Variants in DUOX1 observed in about 807,000 individuals in gnomAD.
DUOX1 encodes the protein dual oxidase 1, also known as NADPH thyroid oxidase 1.
A neutral mutation model predicts 181.8 loss-of-function variants in DUOX1; 134 were observed. That is an observed-to-expected ratio of 0.74 (90% CI 0.64 to 0.85). The LOEUF (loss-of-function observed/expected upper bound fraction) is 0.85, where lower values mean the gene tolerates loss of function less well. Among genes scored for constraint, DUOX1 ranks in the 40% least tolerant of loss-of-function variants. The probability of loss-of-function intolerance (pLI) is 0.00; values close to 1 mark genes in which losing one functional copy is unlikely to be tolerated. For missense variants in DUOX1, 1,814 were observed against 2,064.4 expected, an observed-to-expected ratio of 0.88 and a Z score of 2.35; for synonymous variants, 798 against 832.5, an observed-to-expected ratio of 0.96 and a Z score of 0.71.
Position 45,155,860 on chromosome 15 carries a change from C to A in DUOX1, c.3633C>A (p.His1211Gln), listed in dbSNP as rs757392509. Reference sequence around the variant, plus strand: ...CCATCATGTATGTCTTTGCCTCCCACCACTTCCGCCGCCGCAGTTTCCGGG... The same window carrying A: ...CCATCATGTATGTCTTTGCCTCCCAACACTTCCGCCGCCGCAGTTTCCGGG... ...ILAIMYVFAS[H>Q]HFRRRSFRGF... Residue 1211 changes from histidine (H) to glutamine (Q), a missense_variant, in exon 28 of 34, where the codon CAC (histidine) becomes CAA (glutamine). Physicochemically the swap from His to Gln is conservative, Grantham distance 24. This residue lies in a region of DUOX1 where 279 missense variants were observed against 381.9 expected (regional missense o/e 0.73). Transcript: ENST00000389037. 2 of 1,614,146 alleles carry A rather than the reference C, an allele frequency of 1.2e-6. No homozygotes were observed. Among genetic ancestry groups the A allele is most frequent in the Non-Finnish European group, 1.7e-6 (2 of 1,180,038 alleles).
rs754436205 is a variant in DUOX1, at chr15:45,143,298, T to G, written c.1931T>G (p.Met644Arg). 8.7e-6 allele frequency: 14 copies of G among 1,613,716 alleles called. No homozygotes were observed. Among genetic ancestry groups the G allele is most frequent in the Admixed American group, 1.7e-5 (1 of 60,004 alleles). ...SIVSEKLVGG[M>R]EALEWQGHKE... ...GTGTCTGAGAAGCTCGTGGGAGGCA[T>G]GGAAGGTAGGTCTAGGGCTGGCCAG... Residue 644 changes from methionine (M) to arginine (R), a missense_variant, in exon 16 of 34, where the codon ATG (methionine) becomes AGG (arginine). Transcript: ENST00000389037.
chr15:45,163,478 G>A (rs1567022730), intron 31 of DUOX1, 54 bp from the exon 32 acceptor site: 4 of 1,608,766 alleles, frequency 2.5e-6, no homozygotes, highest in East Asian at 4.5e-5. Context: ...ACACCCCTGG[G>A]GTTTAGGGAG....
chr15:45,160,622 G>A (rs999535432), intron 28 of DUOX1, among the ~76,000 whole-genome samples: 2 of 152,242 alleles, frequency 1.3e-5, no homozygotes, highest in Non-Finnish European at 2.9e-5. Context: ...CTAGGGTGGT[G>A]TCAGGGATCT....
rs201771903 is a variant in DUOX1 at position 45,148,013 on chromosome 15, C to A, written c.2642+16C>A. 2.5e-6 allele frequency: 4 copies of A among 1,605,748 alleles called. No homozygotes were observed. The highest frequency in any genetic ancestry group is 2.6e-6 in the Non-Finnish European group (3 of 1,172,396). On this transcript the variant is annotated intron_variant, in intron 20 of 33. Transcript: ENST00000389037. ...GGATGCTGAGGTTTGTTCTCTGGGACAGCCAGGAGAATGGGCCAGGGCAGG... is the reference window on the plus strand; with the variant it reads ...GGATGCTGAGGTTTGTTCTCTGGGAAAGCCAGGAGAATGGGCCAGGGCAGG...
chr15:45,158,700 CAAAAAAAAAAAAA>C (rs58522871), intron 28 of DUOX1, among the ~76,000 whole-genome samples: 5 of 47,042 alleles, frequency 1.1e-4, no homozygotes, highest in South Asian at 1.7e-3. Flanking sequence ...ACTTCCATCT[CAAAAAAAAAAAAA>C]AAAAAAAAAA....
Position 45,148,833 on chromosome 15 carries a change from G to A in DUOX1, c.2818+386G>A, listed in dbSNP as rs375021741. Among the ~76,000 whole-genome samples the A allele has an allele frequency of 2.0e-5, 3 of 152,024 alleles. No individual in the cohort carries two copies. The East Asian group carries it at 5.8e-4, about 30-fold the overall frequency. On this transcript the variant is annotated intron_variant, in intron 21 of 33. Coordinates refer to ENST00000389037, the MANE Select transcript of DUOX1 (RefSeq NM_175940.3). ...CCCCTGTGCGTGGTGCCCAGGGCAG[G>A]GGGAGACTGTCTCCCTGTTACAGCC...
chr15:45,163,649 C>T lies in DUOX1; in HGVS notation c.4366C>T (p.Gln1456Ter). The T allele has an allele frequency of 1.2e-6, 2 of 1,614,156 alleles. No individual in the cohort carries two copies. Among genetic ancestry groups the T allele is most frequent in the Non-Finnish European group, 1.7e-6 (2 of 1,180,018 alleles). ...DLVSVHIYITQLAEKFDLRTT... is the reference protein window; with the variant it reads ...DLVSVHIYIT Reference sequence around the variant, plus strand: ...GGTGTCTGTGCACATCTACATCACCCAGCTGGCTGAGAAGTTCGACCTCAG... The same window carrying T: ...GGTGTCTGTGCACATCTACATCACCTAGCTGGCTGAGAAGTTCGACCTCAG... The change falls in exon 32 of 34, where the codon CAG (glutamine) becomes TAG (stop). Residue 1456 changes from glutamine to a stop codon, truncating the protein, a stop_gained. Transcript: ENST00000389037. LOFTEE classifies it high-confidence loss of function.
chr15:45,148,326 G>A lies in DUOX1; in HGVS notation c.2697G>A (p.Val899=). The change falls in exon 21 of 34, where the codon GTG becomes GTA. Residue 899 remains valine, a synonymous_variant. Coordinates refer to ENST00000389037, the MANE Select transcript of DUOX1 (RefSeq NM_175940.3). ...TGTCCAAGGCCCAGCTGGCTGAGGT[G>A]GTGGAGTCCATGTTCCGGGAGTCGG... ...NCLSKAQLAE[V]VESMFRESGF... 3 of 1,614,226 alleles carry A rather than the reference G, an allele frequency of 1.9e-6. No homozygotes were observed. Among genetic ancestry groups the A allele is most frequent in the South Asian group, 2.2e-5 (2 of 91,084 alleles).
chr15:45,150,608 C>T (rs1167443328), intron 21 of DUOX1, 24 bp from the exon 22 acceptor site: 11 of 1,612,504 alleles, frequency 6.8e-6, no homozygotes, highest in South Asian at 3.3e-5. Context: ...CTGAGCTGCT[C>T]CCTAGCCTGG....
At chr15:45,132,404 C>CA (rs1450398540) in intron 2 of DUOX1, among the ~76,000 whole-genome samples, 1 of 152,094 alleles carries the variant, frequency 6.6e-6, no homozygotes, top group Non-Finnish European at 1.5e-5. Context: ...AGATTGGACC[C>CA]AAAGCTGAAG....
intron 4 of DUOX1, among the ~76,000 whole-genome samples, chr15:45,134,832 G>A (rs1184743061): frequency 2.6e-5 from 4 of 152,224 alleles, no homozygotes; most frequent in Non-Finnish European, 4.4e-5. Context: ...TGGTGCTGCC[G>A]GCCCGTTTGC....
At chr15:45,138,057 C>A in intron 10 of DUOX1, 43 bp downstream of exon 10, 1 of 1,324,244 alleles carries the variant, frequency 7.6e-7, no homozygotes, top group Non-Finnish European at 1.1e-6. Context: ...TGTGTGTGTG[C>A]ATGCTTATGT....
In DUOX1 at chr15:45,135,289, C is replaced by G. The variant is rs758051980; in HGVS notation, c.493C>G (p.Pro165Ala). The G allele has an allele frequency of 1.2e-6, 2 of 1,607,338 alleles. No homozygotes were observed. The highest frequency in any genetic ancestry group is 4.5e-5 in the East Asian group (2 of 44,454). Residue 165 changes from proline to alanine, a missense_variant and splice_region_variant, in exon 5 of 34, where the codon CCG (proline) becomes GCG (alanine). Pro to Ala is a conservative substitution (Grantham distance 27). Transcript: ENST00000389037. ...TGRSPSNPRD[P>A]ANQVTGWLDG... ...ACGGAGTCCCAGCAATCCCCGGGAC[C>G]CGGTGAGGCGGGGAAGGCGGCGGGA...
In DUOX1 at chr15:45,135,629, G is replaced by T. The variant is rs1896289431; in HGVS notation, c.651G>T (p.Ala217=). 6.4e-7 allele frequency: 1 copy of T among 1,550,812 alleles called. No homozygotes were observed. The highest frequency in any genetic ancestry group is 8.7e-7 in the Non-Finnish European group (1 of 1,148,496). ...RDSQNPLLMW[A]APDPATGQNG... is the part of the protein sequence containing the mutation. ...CGCAGAACCCCCTGCTCATGTGGGC[G>T]GCGCCCGACCCCGCCACCGGGCAGA... The change falls in exon 6 of 34, where the codon GCG becomes GCT. Residue 217 remains alanine (A), a synonymous_variant. Coordinates refer to ENST00000389037, the MANE Select transcript of DUOX1 (RefSeq NM_175940.3).
chr15:45,149,002 C>T (rs568064817), intron 21 of DUOX1, among the ~76,000 whole-genome samples: 1 of 152,224 alleles, frequency 6.6e-6, no homozygotes, highest in South Asian at 2.1e-4. Context: ...GTTCTGTTGT[C>T]CTTCCCCCTA....
At chr15:45,155,704 A>G (rs1271809487) in intron 27 of DUOX1, 98 bp from the exon 28 acceptor site, 4 of 1,558,914 alleles carry the variant, frequency 2.6e-6, no homozygotes, top group African/African-American at 1.4e-5. Flanking sequence ...TCTTACTCCA[A>G]CTTGGGCAGT....
At position 45,138,012 on chromosome 15, in the gene DUOX1, G is replaced by A. The variant is rs138913762; in HGVS notation, c.1111G>A (p.Glu371Lys). 761 of 1,606,830 alleles carry A rather than the reference G, an allele frequency of 4.7e-4. 1 individual carries two copies. Among genetic ancestry groups the A allele is most frequent in the Non-Finnish European group, 6.3e-4 (742 of 1,175,770 alleles). Reference sequence around the variant, plus strand: ...GGTCTGCAACAGCTACTGGAGCCGTGAGGTCCGAGCTGGGGGCCACATATG... The same window carrying A: ...GGTCTGCAACAGCTACTGGAGCCGTAAGGTCCGAGCTGGGGGCCACATATG... ...LRVCNSYWSR[E>K]HPSLQSAEDV... Residue 371 changes from glutamate to lysine, a missense_variant and splice_region_variant, in exon 10 of 34, where the codon GAG (glutamate) becomes AAG (lysine). Around this residue, in one of 5 missense-constraint regions of DUOX1, gnomAD observed 1,064 missense variants for 1,152.9 expected, o/e 0.92. Transcript: ENST00000389037.
intron 21 of DUOX1, chr15:45,150,306 T>C (rs1221781779): frequency 3.6e-6 from 1 of 279,804 alleles, no homozygotes; most frequent in East Asian, 7.2e-5. Flanking sequence ...AGCCAAATTT[T>C]TATGGCAGAG....
chr15:45,158,639 T>C (rs185101500), intron 28 of DUOX1, among the ~76,000 whole-genome samples: 69 of 126,926 alleles, frequency 5.4e-4, no homozygotes, highest in Admixed American at 2.4e-3. Flanking sequence ...GAGGTGGAGG[T>C]TGCATTGAGC....
Sources: allele counts gnomAD v4.1 joint callset (sites outside exome capture counted in the v4.1 genomes callset), GRCh38; gene constraint gnomAD v4.1.1; regional missense constraint gnomAD v4.1.1; transcripts MANE v1.5; gene names NCBI Gene and HGNC (gene_info 2026-07-23, HGNC 2026-07-21).